Variants in SMYD3 observed in about 807,000 individuals in gnomAD.
The protein encoded by SMYD3 is SET and MYND domain containing 3, also known as histone-lysine N-methyltransferase SMYD3.
In SMYD3, 36 loss-of-function variants were observed where a neutral mutation model predicts 57.7. The observed-to-expected ratio is 0.62, with a 90% confidence interval of 0.48 to 0.82. The LOEUF (loss-of-function observed/expected upper bound fraction) is 0.82. Ranked by LOEUF, SMYD3 falls within the 40% of genes least tolerant of loss-of-function variation. The pLI, the probability that SMYD3 is intolerant of heterozygous loss-of-function variation, is 0.00. For missense variants in SMYD3, 515 were observed against 538.8 expected, an observed-to-expected ratio of 0.96 and a Z score of 0.44; for synonymous variants, 211 against 195.0, an observed-to-expected ratio of 1.08 and a Z score of -0.68.
intron 5 of SMYD3, among the ~76,000 whole-genome samples, chr1:246,084,053 C>G (rs1389433312): frequency 6.6e-6 from 1 of 151,970 alleles, no homozygotes; most frequent in Non-Finnish European, 1.5e-5. Context: ...TACTTATTAT[C>G]TATCAGCATA....
chr1:245,962,834 A>C (rs1210704795), intron 5 of SMYD3, among the ~76,000 whole-genome samples: 1 of 125,528 alleles, frequency 8.0e-6, no homozygotes, highest in African/African-American at 2.5e-5. Context: ...AACAGGCAAC[A>C]AAAAAGAAAA....
At chr1:245,778,250 C>A (rs2046683336) in intron 10 of SMYD3, among the ~76,000 whole-genome samples, 1 of 152,126 alleles carries the variant, frequency 6.6e-6, no homozygotes. Context: ...GGAGGGCTCA[C>A]ACAATCCAAT....
intron 10 of SMYD3, among the ~76,000 whole-genome samples, chr1:245,799,490 T>C (rs909061356): frequency 1.4e-4 from 22 of 152,270 alleles, no homozygotes; most frequent in African/African-American, 4.6e-4. Flanking sequence ...GAACACTAAA[T>C]GGACTCGAAT....
chr1:245,812,193 A>G (rs372496760), intron 10 of SMYD3, among the ~76,000 whole-genome samples: 15 of 152,170 alleles, frequency 9.9e-5, no homozygotes, highest in Admixed American at 7.2e-4. Flanking sequence ...CCAGAAAACC[A>G]TAAGGATGGA....
chr1:245,863,995 G>A (rs1558435254), intron 8 of SMYD3, 109 bp from the exon 9 acceptor site: 1 of 944,268 alleles, frequency 1.1e-6, no homozygotes, highest in Non-Finnish European at 1.6e-6. Flanking sequence ...CTGAAAAGAT[G>A]CTTGGCATCA....
chr1:246,239,237 T>A (rs1249868464), intron 5 of SMYD3, among the ~76,000 whole-genome samples: 4 of 152,308 alleles, frequency 2.6e-5, no homozygotes, highest in African/African-American at 7.2e-5. Context: ...CCTAATGCTA[T>A]CCCTCCCCTC....
At chr1:245,826,189 T>C (rs2049482296) in intron 10 of SMYD3, among the ~76,000 whole-genome samples, 1 of 151,822 alleles carries the variant, frequency 6.6e-6, no homozygotes, top group Non-Finnish European at 1.5e-5. Context: ...TCTATACCCA[T>C]TGAACAATTC....
chr1:245,749,741 T>C, intron 11 of SMYD3, 77 bp from the exon 12 acceptor site: 1 of 1,130,726 alleles, frequency 8.8e-7, no homozygotes, highest in Non-Finnish European at 1.3e-6. Context: ...TACCCCATGA[T>C]GCCAGGGGCC....
intron 5 of SMYD3, among the ~76,000 whole-genome samples, chr1:246,096,834 G>A (rs1024565453): frequency 2.6e-5 from 4 of 152,170 alleles, no homozygotes; most frequent in African/African-American, 9.7e-5. Context: ...TACAGTTTAT[G>A]GGAAAAGACA....
intron 5 of SMYD3, among the ~76,000 whole-genome samples, chr1:246,142,192 G>T (rs934944599): frequency 1.3e-5 from 2 of 152,042 alleles, no homozygotes; most frequent in Admixed American, 6.6e-5. Flanking sequence ...TATACTCTAT[G>T]CTTTTTCTTA....
intron 8 of SMYD3, among the ~76,000 whole-genome samples, chr1:245,883,923 T>C (rs1168067659): frequency 6.6e-6 from 1 of 152,070 alleles, no homozygotes; most frequent in Non-Finnish European, 1.5e-5. Flanking sequence ...AAAGAAAAAT[T>C]GTCCAATTTT....
intron 1 of SMYD3, among the ~76,000 whole-genome samples, chr1:246,490,621 C>T (rs2068254931): frequency 6.6e-6 from 1 of 152,196 alleles, no homozygotes; most frequent in Admixed American, 6.5e-5. Flanking sequence ...ACCTATACTC[C>T]CAGCACTTTG....
At position 246,133,763 on chromosome 1, in the gene SMYD3, C is replaced by T. The variant is rs141407547; in HGVS notation, c.531+193438G>A. 1.8e-3 allele frequency among the ~76,000 whole-genome samples: 268 copies of T among 152,204 alleles called. 2 individuals are homozygous for T. The highest frequency in any genetic ancestry group is 6.1e-3 in the African/African-American group (255 of 41,544). ...CACATGTGCAAGCGAGCTGAATGCA[C>T]ACACGCTCAATGAACTCAACTACTG... is the stretch of plus-strand genomic sequence containing the variant. On this transcript the variant is annotated intron_variant, in intron 5 of 11. Coordinates refer to ENST00000490107, the MANE Select transcript of SMYD3 (RefSeq NM_001167740.2).
chr1:246,399,551 C>G (rs1299488761), intron 1 of SMYD3, among the ~76,000 whole-genome samples: 1 of 151,992 alleles, frequency 6.6e-6, no homozygotes, highest in Non-Finnish European at 1.5e-5. Flanking sequence ...TCCACATTGC[C>G]CAAGCCGGTC....
At chr1:246,007,821 A>AG (rs1198726766) in intron 5 of SMYD3, among the ~76,000 whole-genome samples, 1 of 152,020 alleles carries the variant, frequency 6.6e-6, no homozygotes, top group African/African-American at 2.4e-5. Context: ...TGACCAAAAA[A>AG]AAAAAGGCAG....
At chr1:246,270,904 A>G (rs1160956647) in intron 5 of SMYD3, among the ~76,000 whole-genome samples, 2 of 152,190 alleles carry the variant, frequency 1.3e-5, no homozygotes, top group Admixed American at 1.3e-4. Flanking sequence ...ACTGTTTGCC[A>G]CAGTGGCTAT....
intron 5 of SMYD3, among the ~76,000 whole-genome samples, chr1:246,236,484 G>A (rs138323376): frequency 0.025 from 3,747 of 151,950 alleles, 152 homozygotes; most frequent in African/African-American, 0.085. Context: ...GTGCGATCTC[G>A]GCTCACTGCA....
chr1:246,215,157 G>A (rs1418935934), intron 5 of SMYD3, among the ~76,000 whole-genome samples: 1 of 152,098 alleles, frequency 6.6e-6, no homozygotes. Context: ...AAGAGGATGT[G>A]AAACAGCAGC....
intron 5 of SMYD3, among the ~76,000 whole-genome samples, chr1:246,299,212 T>A (rs1300853): frequency 6.6e-6 from 1 of 151,892 alleles, no homozygotes; most frequent in African/African-American, 2.4e-5. Context: ...TAAATTTTAA[T>A]GTTACATGCA....
Sources: gnomAD v4.1 joint callset for allele counts (sites outside exome capture counted in the v4.1 genomes callset) on GRCh38, gnomAD v4.1.1 for gene constraint, MANE v1.5 for transcripts, NCBI Gene and HGNC (gene_info 2026-07-23, HGNC 2026-07-21) for gene names.